Variants in GRIN2B observed in about 807,000 individuals in gnomAD.
GRIN2B encodes the protein glutamate receptor ionotropic, NMDA 2B.
GRIN2B carries 5 observed loss-of-function variants against 114.5 expected under a neutral mutation model. The ratio of observed to expected loss-of-function variants is 0.04; its 90% confidence interval spans 0.02 to 0.09. The LOEUF (loss-of-function observed/expected upper bound fraction) is 0.09. Ranked by LOEUF, GRIN2B falls within the 10% of genes least tolerant of loss-of-function variation. GRIN2B has a pLI of 1.00. For synonymous variants in GRIN2B, 787 were observed against 745.1 expected (o/e 1.06, Z -0.92); for missense variants, 1,108 against 1,943.5 (o/e 0.57, Z 8.08).
chr12:13,575,698 C>A (rs867828889), intron 10 of GRIN2B, among the ~76,000 whole-genome samples: 11 of 118,410 alleles, frequency 9.3e-5, no homozygotes, highest in Middle Eastern at 4.2e-3. Context: ...TAATAATAAT[C>A]AAAATAATCA....
At chr12:13,959,340 G>A (rs1012540949) in intron 2 of GRIN2B, among the ~76,000 whole-genome samples, 35 of 152,200 alleles carry the variant, frequency 2.3e-4, no homozygotes, top group African/African-American at 8.4e-4. Context: ...CCGCCAGGGT[G>A]GGGCCCGCAG....
At chr12:13,959,231 A>C (rs1281279711) in intron 2 of GRIN2B, among the ~76,000 whole-genome samples, 2 of 152,130 alleles carry the variant, frequency 1.3e-5, no homozygotes, top group Non-Finnish European at 2.9e-5. Flanking sequence ...GCTTTCCAGG[A>C]AGGGGAATTA....
chr12:13,790,370 C>A (rs1428207306), intron 3 of GRIN2B, among the ~76,000 whole-genome samples: 1 of 152,214 alleles, frequency 6.6e-6, no homozygotes, highest in African/African-American at 2.4e-5. Flanking sequence ...CCCTTCCAAT[C>A]TGAGTCACCT....
chr12:13,715,391 A>G (rs943284084), intron 4 of GRIN2B, among the ~76,000 whole-genome samples: 7 of 151,898 alleles, frequency 4.6e-5, no homozygotes, highest in African/African-American at 1.7e-4. Context: ...TGGCAAGAAT[A>G]AAATGATAAC....
At chr12:13,618,117 A>AT (rs1178851478) in intron 5 of GRIN2B, among the ~76,000 whole-genome samples, 1 of 152,204 alleles carries the variant, frequency 6.6e-6, no homozygotes, top group Non-Finnish European at 1.5e-5. Flanking sequence ...GTTGATCCTG[A>AT]TTTTAGAACA....
rs775448236 is a variant in GRIN2B at position 13,569,840 on chromosome 12, G to A, written c.2349C>T (p.Leu783=). The stretch of plus-strand genomic sequence containing the variant: ...CTTTCTTGAACTCACCATCTCCAAA[G>A]AGCTGCAGGATAGCAAGGTCCACCT... ...KRQVDLAILQ[L]FGDGEMEELE... The change falls in exon 12 of 14, where the codon CTC becomes CTT. Residue 783 remains leucine, a synonymous_variant. Transcript: ENST00000609686. 6.2e-7 allele frequency: 1 copy of A among 1,600,824 alleles called. No individual in the cohort carries two copies. The highest frequency in any genetic ancestry group is 1.1e-5 in the South Asian group (1 of 90,082).
intron 10 of GRIN2B, among the ~76,000 whole-genome samples, chr12:13,580,357 C>A (rs935670989): frequency 5.9e-5 from 9 of 152,198 alleles, no homozygotes; most frequent in Admixed American, 3.9e-4. Context: ...AGTGCTGTGA[C>A]CTTGCAGAGG....
At chr12:13,858,484 C>G (rs1425734978) in intron 3 of GRIN2B, among the ~76,000 whole-genome samples, 1 of 151,992 alleles carries the variant, frequency 6.6e-6, no homozygotes, top group Non-Finnish European at 1.5e-5. Flanking sequence ...ACAGAAGTCT[C>G]AGAAAGGGGA....
chr12:13,564,369 TCTC>T lies in GRIN2B; in HGVS notation c.2866_2868del (p.Glu956del), dbSNP rs781740648. The T allele has an allele frequency of 6.2e-7, 1 of 1,614,190 alleles. No homozygotes were observed. Among genetic ancestry groups the T allele is most frequent in the Non-Finnish European group, 8.5e-7 (1 of 1,180,026 alleles). On this transcript the variant is annotated inframe_deletion, in exon 14 of 14. Coordinates refer to ENST00000609686, the MANE Select transcript of GRIN2B (RefSeq NM_000834.5). This position sits in a 1 kb window ranked among gnomAD's most constrained non-coding sequence, Gnocchi z 4.8. ...TCACTGATGTAGTCACTGAAGAGGT[TCTC>T]CTCACAGGGCGGGTTGTTGTAGGAT...
chr12:13,927,892 G>C (rs537170337), intron 2 of GRIN2B, among the ~76,000 whole-genome samples: 35 of 137,796 alleles, frequency 2.5e-4, no homozygotes, highest in Non-Finnish European at 5.2e-4. Context: ...ACTTGAGCCC[G>C]GGAAGCCAAG....
At chr12:13,746,338 C>A (rs939340414) in intron 4 of GRIN2B, among the ~76,000 whole-genome samples, 1 of 152,140 alleles carries the variant, frequency 6.6e-6, no homozygotes, top group Non-Finnish European at 1.5e-5. Flanking sequence ...CGCTTTTTAA[C>A]CCATGCCATT....
intron 12 of GRIN2B, 96 bp from the exon 13 acceptor site, chr12:13,567,359 A>C (rs1286511969): frequency 1.4e-5 from 11 of 805,660 alleles, no homozygotes; most frequent in Non-Finnish European, 2.1e-5. Flanking sequence ...AGAAAGAGAA[A>C]GATACGTGAC....
In GRIN2B at chr12:13,559,358, A is replaced by G. The variant is rs377029759; in HGVS notation, c.*3425T>C. 1.3e-5 allele frequency: 2 copies of G among 152,198 alleles called. No individual in the cohort carries two copies. The highest frequency in any genetic ancestry group is 3.8e-4 in the East Asian group (2 of 5,198). The allele number at this position is 152,198 out of a possible 1,614,324, so 9.4% of individuals were successfully genotyped here. On this transcript the variant is annotated 3_prime_UTR_variant, in exon 14 of 14. Coordinates refer to ENST00000609686, the MANE Select transcript of GRIN2B (RefSeq NM_000834.5). The stretch of plus-strand genomic sequence containing the variant: ...AAAATGTAGTGAATATACTGGGTAA[A>G]TGGATTTGGAAATTTTATCCTGTGA...
intron 2 of GRIN2B, among the ~76,000 whole-genome samples, chr12:13,939,703 T>G (rs1192135375): frequency 6.6e-6 from 1 of 151,924 alleles, no homozygotes; most frequent in Non-Finnish European, 1.5e-5. Flanking sequence ...CACACCACCA[T>G]GCCCAGTTAA....
intron 3 of GRIN2B, among the ~76,000 whole-genome samples, chr12:13,804,659 T>C (rs537591864): frequency 1.3e-5 from 2 of 152,290 alleles, no homozygotes; most frequent in East Asian, 3.9e-4. Flanking sequence ...TGATTTCCTA[T>C]ATAACACTTA....
chr12:13,703,556 A>G (rs567828260), intron 4 of GRIN2B, among the ~76,000 whole-genome samples: 2 of 152,266 alleles, frequency 1.3e-5, no homozygotes, highest in African/African-American at 4.8e-5. Context: ...GTAATGTTTT[A>G]TTTTCATTCA....
intron 2 of GRIN2B, among the ~76,000 whole-genome samples, chr12:13,958,467 C>T (rs1055296647): frequency 6.6e-6 from 1 of 152,180 alleles, no homozygotes; most frequent in African/African-American, 2.4e-5. Flanking sequence ...TTAAAATATA[C>T]TTAAAAGTGT....
At chr12:13,565,987 C>G (rs1948634116) in intron 13 of GRIN2B, among the ~76,000 whole-genome samples, 1 of 152,092 alleles carries the variant, frequency 6.6e-6, no homozygotes, top group African/African-American at 2.4e-5. Context: ...TTACACATCA[C>G]CAGCTCCCAT....
chr12:13,556,237 A>G lies in GRIN2B; in HGVS notation c.*6546T>C, dbSNP rs1391075251. 1 of 152,190 alleles carries G rather than the reference A, an allele frequency of 6.6e-6. No individual in the cohort carries two copies. The highest frequency in any genetic ancestry group is 2.4e-5 in the African/African-American group (1 of 41,448). The allele number at this position is 152,190 out of a possible 1,614,324, so 9.4% of individuals were successfully genotyped here. A position where few individuals can be genotyped will look rare whatever the true frequency, so the allele number is the denominator to read the frequency against. On this transcript the variant is annotated 3_prime_UTR_variant, in exon 14 of 14. Coordinates refer to ENST00000609686, the MANE Select transcript of GRIN2B (RefSeq NM_000834.5). ...AGCTGAATCTCTGCAATGTTTTTTCAAATAGCATAATGGATATCTTTGACT... is the reference window on the plus strand; with the variant it reads ...AGCTGAATCTCTGCAATGTTTTTTCGAATAGCATAATGGATATCTTTGACT...
Sources: gnomAD v4.1 joint callset for allele counts (sites outside exome capture counted in the v4.1 genomes callset) on GRCh38, gnomAD v4.1.1 for gene constraint, Gnocchi (gnomAD v3.1) non-coding constraint, MANE v1.5 for transcripts, NCBI Gene and HGNC (gene_info 2026-07-23, HGNC 2026-07-21) for gene names.